Variants in ZZEF1 observed in about 807,000 individuals in gnomAD.
ZZEF1 encodes the protein zinc finger ZZ-type and EF-hand domain-containing protein 1.
ZZEF1 carries 157 observed loss-of-function variants against 342.8 expected under a neutral mutation model. That is an observed-to-expected ratio of 0.46 (90% CI 0.40 to 0.52). ZZEF1 has a LOEUF of 0.52. Ranked by LOEUF, ZZEF1 falls within the 20% of genes least tolerant of loss-of-function variation. The pLI, the probability that ZZEF1 is intolerant of heterozygous loss-of-function variation, is 0.00. For missense variants in ZZEF1, 3,480 were observed against 3,725.6 expected (o/e 0.93, Z 1.72); for synonymous variants, 1,505 against 1,429.1 (o/e 1.05, Z -1.20).
chr17:4,139,361 A>G (rs1202438679), intron 1 of ZZEF1, among the ~76,000 whole-genome samples: 1 of 152,260 alleles, frequency 6.6e-6, no homozygotes, highest in Non-Finnish European at 1.5e-5. Flanking sequence ...TCAGCATTAT[A>G]ATAAACCATG....
At chr17:4,134,179 T>G (rs1259814353) in intron 1 of ZZEF1, among the ~76,000 whole-genome samples, 1 of 151,616 alleles carries the variant, frequency 6.6e-6, no homozygotes, top group Admixed American at 6.6e-5. Context: ...AAACTGACTG[T>G]CTTAAGAAAA....
intron 1 of ZZEF1, among the ~76,000 whole-genome samples, chr17:4,139,306 G>A (rs1018387741): frequency 2.3e-4 from 35 of 149,354 alleles, no homozygotes; most frequent in Admixed American, 2.1e-3. Flanking sequence ...CAATGGCAGC[G>A]TAAGTTGGGA....
intron 38 of ZZEF1, among the ~76,000 whole-genome samples, chr17:4,043,153 C>T (rs976595288): frequency 6.6e-6 from 1 of 152,226 alleles, no homozygotes; most frequent in Non-Finnish European, 1.5e-5. Flanking sequence ...AGCATTTCAT[C>T]ACCTTTTCAC....
At position 4,006,480 on chromosome 17, in the gene ZZEF1, T is replaced by G. The variant is rs200265464; in HGVS notation, c.*410A>C. 3.9e-3 allele frequency: 928 copies of G among 240,998 alleles called. 2 individuals carry two copies. The highest frequency in any genetic ancestry group is 0.015 in the Middle Eastern group (9 of 616). 14.9% of individuals were successfully genotyped at this position (240,998 alleles called of 1,614,324 possible). A position where few individuals can be genotyped will look rare whatever the true frequency, so the allele number is the denominator to read the frequency against. The stretch of plus-strand genomic sequence containing the variant: ...GCCACTGGGGGTCTTGCTGGAAAGG[T>G]GGATCTGGGTGGACTGTGCCTCCCT... On this transcript the variant is annotated 3_prime_UTR_variant, in exon 55 of 55. Coordinates refer to ENST00000381638, the MANE Select transcript of ZZEF1 (RefSeq NM_015113.4).
intron 9 of ZZEF1, among the ~76,000 whole-genome samples, chr17:4,098,952 G>T (rs1051312226): frequency 6.6e-6 from 1 of 152,116 alleles, no homozygotes; most frequent in African/African-American, 2.4e-5. Flanking sequence ...CAGAGCCCTG[G>T]ATGTCTCTAT....
In ZZEF1 at chr17:4,088,667, G is replaced by C; in HGVS notation, c.2241+11C>G. 1 of 1,612,876 alleles carries C rather than the reference G, an allele frequency of 6.2e-7. No homozygotes were observed. On this transcript the variant is annotated intron_variant, in intron 13 of 54. Transcript: ENST00000381638. ...TAAAGGAATGCCGTCTAACAACTGAGGAAGCCCTACCAGGTCATGGGCGAG... is the reference window on the plus strand; with the variant it reads ...TAAAGGAATGCCGTCTAACAACTGACGAAGCCCTACCAGGTCATGGGCGAG...
At chr17:4,105,344 T>C (rs890103449) in intron 7 of ZZEF1, among the ~76,000 whole-genome samples, 1 of 152,192 alleles carries the variant, frequency 6.6e-6, no homozygotes, top group Non-Finnish European at 1.5e-5. Context: ...TTCCCAGTTC[T>C]GTAGGTAATC....
chr17:4,078,238 G>A (rs931558897), intron 18 of ZZEF1, among the ~76,000 whole-genome samples, 196 bp from the exon 19 acceptor site: 3 of 152,044 alleles, frequency 2.0e-5, no homozygotes, highest in Middle Eastern at 3.2e-3. Context: ...CCAGCTTTTT[G>A]GAACCTTTAC....
chr17:4,050,517 A>G (rs1012106971), intron 36 of ZZEF1, among the ~76,000 whole-genome samples: 3 of 152,228 alleles, frequency 2.0e-5, no homozygotes, highest in African/African-American at 7.2e-5. Flanking sequence ...GCATCCACAG[A>G]TATAAAGAGT....
In ZZEF1 at chr17:4,044,286, G is replaced by A. The variant is rs2056863416; in HGVS notation, c.6104C>T (p.Pro2035Leu). ...ADKGVSLSKDPSCQTQISDSP... is the reference protein window; with the variant it reads ...ADKGVSLSKDLSCQTQISDSP... ...ATCTGAAATTTGGGTCTGGCATGAA[G>A]GATCCTTCGATAATGATACACCTTT... The change falls in exon 38 of 55, where the codon CCT becomes CTT. Residue 2035 changes from proline to leucine, a missense_variant. Physicochemically the swap from Pro to Leu is moderately conservative, Grantham distance 98 (BLOSUM62 -3). This residue lies in a region of ZZEF1 where 1,269 missense variants were observed against 1,342.4 expected (regional missense o/e 0.95). Coordinates refer to ENST00000381638, the MANE Select transcript of ZZEF1 (RefSeq NM_015113.4). 2 of 1,614,142 alleles carry A rather than the reference G, an allele frequency of 1.2e-6. No individual in the cohort carries two copies. Among genetic ancestry groups the A allele is most frequent in the Non-Finnish European group, 1.7e-6 (2 of 1,180,016 alleles).
At chr17:4,124,114 TTC>T in intron 1 of ZZEF1, 63 bp from the exon 2 acceptor site, 1 of 1,510,946 alleles carries the variant, frequency 6.6e-7, no homozygotes, top group Non-Finnish European at 8.8e-7. Context: ...AGTTTCAAGT[TTC>T]TTTTATTTAA....
At chr17:4,012,041 G>A (rs758967452) in intron 52 of ZZEF1, among the ~76,000 whole-genome samples, 7 of 152,252 alleles carry the variant, frequency 4.6e-5, no homozygotes, top group Non-Finnish European at 1.0e-4. Context: ...GACAGAGGGT[G>A]CGGGATTGTC....
rs150617665 is a variant in ZZEF1 at position 4,109,863 on chromosome 17, T to C, written c.1067A>G (p.Tyr356Cys). 6.2e-7 allele frequency: 1 copy of C among 1,614,136 alleles called. No individual in the cohort carries two copies. The highest frequency in any genetic ancestry group is 1.1e-5 in the South Asian group (1 of 91,080). ...LLENANVSQL[Y>C]VQINIKRCLS... ...ACAACGCTTTATGTTAATCTGGACA[T>C]CTGTCGAGCACAAACAAAAAATTCA... Residue 356 changes from tyrosine (Y) to cysteine (C), a missense_variant and splice_region_variant, in exon 6 of 55, where the codon TAT becomes TGT. Physicochemically the swap from Tyr to Cys is radical, Grantham distance 194. This residue lies in a region of ZZEF1 where 92 missense variants were observed against 130.3 expected (regional missense o/e 0.71). Transcript: ENST00000381638.
chr17:4,132,587 C>T (rs1221873468), intron 1 of ZZEF1, among the ~76,000 whole-genome samples: 4 of 151,296 alleles, frequency 2.6e-5, no homozygotes, highest in South Asian at 2.1e-4. Flanking sequence ...AATCCCAGCA[C>T]TTTGGGAGGC....
intron 39 of ZZEF1, among the ~76,000 whole-genome samples, chr17:4,039,547 A>G (rs1244651758): frequency 6.6e-6 from 1 of 152,196 alleles, no homozygotes; most frequent in African/African-American, 2.4e-5. Context: ...AAGCAAAGCC[A>G]AACAATGGCA....
At chr17:4,128,345 TAAAAAAAAAAAA>T (rs74340131) in intron 1 of ZZEF1, among the ~76,000 whole-genome samples, 3 of 81,552 alleles carry the variant, frequency 3.7e-5, no homozygotes, top group African/African-American at 1.0e-4. Context: ...CAGACTGTCT[TAAAAAAAAAAAA>T]AAAAAAAAAA....
intron 45 of ZZEF1, 40 bp downstream of exon 45, chr17:4,021,089 A>C (rs1465341239): frequency 6.5e-7 from 1 of 1,546,878 alleles, no homozygotes; most frequent in East Asian, 2.3e-5. Context: ...GCCATCCCTC[A>C]GAAGCCCCTC....
chr17:4,083,362 C>T (rs2057759333), intron 16 of ZZEF1, among the ~76,000 whole-genome samples: 3 of 152,200 alleles, frequency 2.0e-5, no homozygotes, highest in South Asian at 4.1e-4. Context: ...TAGAGACCCA[C>T]CCACAGTCCA....
At chr17:4,038,385 T>C (rs1311260578) in intron 39 of ZZEF1, among the ~76,000 whole-genome samples, 2 of 152,200 alleles carry the variant, frequency 1.3e-5, no homozygotes, top group African/African-American at 2.4e-5. Flanking sequence ...CACTTAACAA[T>C]AGTAACGTGA....
Sources: gnomAD v4.1 joint callset for allele counts (sites outside exome capture counted in the v4.1 genomes callset) on GRCh38, gnomAD v4.1.1 for gene constraint, gnomAD v4.1.1 regional missense constraint, MANE v1.5 for transcripts, NCBI Gene and HGNC (gene_info 2026-07-23, HGNC 2026-07-21) for gene names.